TRAPPC6B: variants seen among roughly 807,000 people sequenced by gnomAD.
TRAPPC6B encodes trafficking protein particle complex subunit 6B.
Under a neutral mutation model 24.7 loss-of-function variants are expected in TRAPPC6B, and 27 were observed. The observed-to-expected ratio is 1.09, with a 90% CI of 0.81 to 1.51. TRAPPC6B has a LOEUF of 1.51. TRAPPC6B is among the 40% of genes most tolerant of loss of function. The pLI, the probability that TRAPPC6B is intolerant of heterozygous loss-of-function variation, is 0.00. For synonymous variants in TRAPPC6B, 80 were observed against 66.6 expected, an observed-to-expected ratio of 1.20 and a Z score of -0.98; for missense variants, 212 against 190.8, an observed-to-expected ratio of 1.11 and a Z score of -0.66.
intron 1 of TRAPPC6B, 24 bp downstream of exon 1, chr14:39,169,991 T>C: frequency 6.2e-7 from 1 of 1,612,614 alleles, no homozygotes; most frequent in Non-Finnish European, 8.5e-7. Context: ...CAAAAGGACC[T>C]CAAGGTTGTG....
rs2052882899 is a variant in TRAPPC6B at position 39,148,693 on chromosome 14, T to G, written c.*1657A>C. ...TTATACATGTATATTTGGTAGGAAC[T>G]TTCCTAAATTTTTTCAAAATTAAAA... On this transcript the variant is annotated 3_prime_UTR_variant, in exon 6 of 6. Transcript: ENST00000330149. The G allele has an allele frequency of 2.5e-6, 1 of 398,482 alleles. No individual in the cohort carries two copies. The highest frequency in any genetic ancestry group is 4.4e-5 in the Admixed American group (1 of 22,734). The allele number at this position is 398,482 out of a possible 1,614,324, so 24.7% of individuals were successfully genotyped here. A position where few individuals can be genotyped will look rare whatever the true frequency, so the allele number is the denominator to read the frequency against.
chr14:39,168,559 C>A (rs1187214219), intron 1 of TRAPPC6B, among the ~76,000 whole-genome samples: 1 of 152,072 alleles, frequency 6.6e-6, no homozygotes, highest in Non-Finnish European at 1.5e-5. Flanking sequence ...GTCATACAGG[C>A]ACCTCAAAAG....
At chr14:39,152,430 T>C (rs184250763) in intron 4 of TRAPPC6B, among the ~76,000 whole-genome samples, 1 of 152,256 alleles carries the variant, frequency 6.6e-6, no homozygotes, top group Non-Finnish European at 1.5e-5. Context: ...AGAAAGGGAA[T>C]AGGGCTGAGC....
chr14:39,151,576 T>G (rs971317040), intron 5 of TRAPPC6B, among the ~76,000 whole-genome samples, 170 bp downstream of exon 5: 1 of 152,004 alleles, frequency 6.6e-6, no homozygotes, highest in African/African-American at 2.4e-5. Context: ...TATTCAAAAA[T>G]TACTGAAAAT....
intron 3 of TRAPPC6B, chr14:39,157,133 A>C (rs1226234981): frequency 9.0e-6 from 2 of 223,142 alleles, no homozygotes; most frequent in East Asian, 2.9e-4. Flanking sequence ...AAAAGAAAGA[A>C]AGAAAGTGGT....
At chr14:39,151,994 T>G (rs761807) in intron 4 of TRAPPC6B, among the ~76,000 whole-genome samples, 155 bp from the exon 5 acceptor site, 141,084 of 152,286 alleles carry the variant, frequency 0.93, 65,450 homozygotes, top group East Asian at 0.95. Context: ...AATATTGATA[T>G]ATTTCCCAGC....
At chr14:39,153,049 T>G (rs1037289498) in intron 4 of TRAPPC6B, among the ~76,000 whole-genome samples, 4 of 151,696 alleles carry the variant, frequency 2.6e-5, no homozygotes, top group African/African-American at 9.7e-5. Flanking sequence ...TCCGAGCACT[T>G]TGGGAGGCTG....
At chr14:39,169,697 G>A (rs1310200568) in intron 1 of TRAPPC6B, among the ~76,000 whole-genome samples, 1 of 152,102 alleles carries the variant, frequency 6.6e-6, no homozygotes, top group South Asian at 2.1e-4. Context: ...AACTAAGTAG[G>A]CTCTGCAGTT....
At chr14:39,157,654 C>T (rs1236532271) in intron 3 of TRAPPC6B, 4 of 337,696 alleles carry the variant, frequency 1.2e-5, no homozygotes, top group African/African-American at 2.2e-5. Context: ...CAAGAAGACC[C>T]GCACCACTGT....
At position 39,170,195 on chromosome 14, in the gene TRAPPC6B, G is replaced by A. The variant is rs755203826; in HGVS notation, c.-100C>T. On this transcript the variant is annotated 5_prime_UTR_variant, in exon 1 of 6. In the 5' UTR this introduces an upstream ATG that the reference lacks. Coordinates refer to ENST00000330149, the MANE Select transcript of TRAPPC6B (RefSeq NM_001079537.2). ...GCGACTTCGCCGGCGCCGCGGCTCC[G>A]TCAGGCCGCCATTCTATCCCTGTGG... The A allele has an allele frequency of 8.8e-7, 1 of 1,135,644 alleles. No individual in the cohort carries two copies. Among genetic ancestry groups the A allele is most frequent in the Non-Finnish European group, 1.3e-6 (1 of 768,866 alleles). The allele number at this position is 1,135,644 out of a possible 1,614,324, so 70.3% of individuals were successfully genotyped here.
intron 1 of TRAPPC6B, among the ~76,000 whole-genome samples, chr14:39,165,959 A>C (rs1027813801): frequency 1.3e-5 from 2 of 152,046 alleles, no homozygotes. Flanking sequence ...GTGCACCACC[A>C]CACCCAGCTA....
chr14:39,168,040 T>TCC (rs1009878438), intron 1 of TRAPPC6B, among the ~76,000 whole-genome samples: 1 of 151,806 alleles, frequency 6.6e-6, no homozygotes, highest in Non-Finnish European at 1.5e-5. Flanking sequence ...AGGGTGAAAC[T>TCC]CCGTCTCTAC....
At position 39,151,831 on chromosome 14, in the gene TRAPPC6B, T is replaced by C. The variant is rs760917888; in HGVS notation, c.360A>G (p.Ala120=). ...CACCTCTGATTAAGCCACACGTAAA[T>C]GCTAAATACTAAAAGGAAAAAAAAT... ...QYLEHASKYL[A]FTCGLIRGGL... is the part of the protein sequence containing the mutation. Residue 120 remains alanine (A), a synonymous_variant, in exon 5 of 6, where the codon GCA becomes GCG. Transcript: ENST00000330149. 19 of 1,595,738 alleles carry C rather than the reference T, an allele frequency of 1.2e-5. 1 individual carries two copies. The South Asian group carries it at 2.1e-4, about 17-fold the overall frequency.
chr14:39,150,363 A>G lies in TRAPPC6B; in HGVS notation c.464T>C (p.Ile155Thr). The change falls in exon 6 of 6, where the codon ATA becomes ACA. Residue 155 changes from isoleucine to threonine, a missense_variant. By Grantham distance (89) the Ile-to-Thr change is moderately conservative. Coordinates refer to ENST00000330149, the MANE Select transcript of TRAPPC6B (RefSeq NM_001079537.2). ...SMPACKFQVM[I>T]QKL ...TTTCAGTATGTTCTACAGCTTCTGT[A>G]TCATCACCTGAAATTTGCCTAAAAA... is the stretch of plus-strand genomic sequence containing the variant. 6.3e-7 allele frequency: 1 copy of G among 1,584,280 alleles called. No individual in the cohort carries two copies. The highest frequency in any genetic ancestry group is 1.2e-5 in the South Asian group (1 of 85,638).
intron 1 of TRAPPC6B, among the ~76,000 whole-genome samples, chr14:39,166,372 G>C (rs2053109388): frequency 6.6e-6 from 1 of 152,070 alleles, no homozygotes; most frequent in African/African-American, 2.4e-5. Context: ...TTATTAGCAG[G>C]AACTATTGAA....
At chr14:39,164,044 C>A (rs1018333096) in intron 1 of TRAPPC6B, among the ~76,000 whole-genome samples, 1 of 143,700 alleles carries the variant, frequency 7.0e-6, no homozygotes, top group Non-Finnish European at 1.5e-5. Context: ...AATTCATCGT[C>A]TCTCTCTACC....
chr14:39,159,119 T>C (rs1846831213), intron 2 of TRAPPC6B: 1 of 155,522 alleles, frequency 6.4e-6, no homozygotes, highest in Non-Finnish European at 1.4e-5. Context: ...ACATAGACTA[T>C]AGTTATTTCA....
At chr14:39,162,144 T>C (rs1430791375) in intron 1 of TRAPPC6B, among the ~76,000 whole-genome samples, 2 of 152,146 alleles carry the variant, frequency 1.3e-5, no homozygotes, top group Non-Finnish European at 2.9e-5. Context: ...TAGACGTTCC[T>C]CCAACAAAAG....
At chr14:39,150,563 G>C (rs1344971891) in intron 5 of TRAPPC6B, among the ~76,000 whole-genome samples, 182 bp from the exon 6 acceptor site, 2 of 151,728 alleles carry the variant, frequency 1.3e-5, no homozygotes, top group African/African-American at 4.8e-5. Context: ...TTTTGAGATG[G>C]AGTCTTGCTC....
Sources: allele counts gnomAD v4.1 joint callset (sites outside exome capture counted in the v4.1 genomes callset), GRCh38; gene constraint gnomAD v4.1.1; transcripts MANE v1.5; gene names NCBI Gene and HGNC (gene_info 2026-07-23, HGNC 2026-07-21).